The following UBR1 variants were observed in gnomAD, a reference collection of about 807,000 sequenced individuals.
UBR1 encodes the protein E3 ubiquitin-protein ligase UBR1.
In UBR1, 102 loss-of-function variants were observed where a neutral mutation model predicts 242.1. The observed-to-expected ratio is 0.42, with a 90% CI of 0.36 to 0.50. The LOEUF is 0.50. Ranked by LOEUF, UBR1 falls within the 20% of genes least tolerant of loss-of-function variation. The pLI, the probability that UBR1 is intolerant of heterozygous loss-of-function variation, is 0.01. For missense variants in UBR1, 1,772 were observed against 2,101.8 expected (o/e 0.84, Z 3.07); for synonymous variants, 675 against 684.8 (o/e 0.99, Z 0.22).
intron 29 of UBR1, among the ~76,000 whole-genome samples, chr15:43,009,373 C>G (rs944716636): frequency 2.0e-5 from 3 of 152,258 alleles, no homozygotes; most frequent in African/African-American, 7.2e-5. Flanking sequence ...TGCACAGCAG[C>G]TGGCGTGCCT....
At chr15:43,047,055 T>A (rs1218303420) in intron 14 of UBR1, 106 bp downstream of exon 14, 1 of 1,339,422 alleles carries the variant, frequency 7.5e-7, no homozygotes, top group Admixed American at 1.9e-5. Context: ...AAAGCTACTA[T>A]AAATAATAAA....
Position 43,024,960 on chromosome 15 carries a change from C to G in UBR1, c.2608G>C (p.Glu870Gln). The G allele has an allele frequency of 5.0e-6, 8 of 1,614,110 alleles. No homozygotes were observed. Among genetic ancestry groups the G allele is most frequent in the Non-Finnish European group, 6.8e-6 (8 of 1,180,018 alleles). Residue 870 changes from glutamate to glutamine, a missense_variant, in exon 25 of 47, where the codon GAA becomes CAA. Physicochemically the swap from Glu to Gln is conservative, Grantham distance 29. Around this residue, in one of 3 missense-constraint regions of UBR1, gnomAD observed 965 missense variants for 1,079.7 expected, o/e 0.89. Coordinates refer to ENST00000290650, the MANE Select transcript of UBR1 (RefSeq NM_174916.3). ...ACTTTGCTGAAAGCAGGGCAGAATT[C>G]AGGAGGTGGTGGTGGCGGCAATGCT... ...DEALPPPPPPEFCPAFSKVIN... is the reference protein window; with the variant it reads ...DEALPPPPPPQFCPAFSKVIN...
intron 29 of UBR1, among the ~76,000 whole-genome samples, chr15:43,007,789 A>C (rs2032856444): frequency 6.6e-6 from 1 of 152,224 alleles, no homozygotes; most frequent in Admixed American, 6.5e-5. Context: ...AGTATCTTAC[A>C]TCATTAAAAC....
chr15:43,043,385 A>G lies in UBR1; in HGVS notation c.1679T>C (p.Leu560Ser). 1.2e-6 allele frequency: 2 copies of G among 1,614,100 alleles called. No homozygotes were observed. The highest frequency in any genetic ancestry group is 1.7e-6 in the Non-Finnish European group (2 of 1,180,016). ...QEWCACDEEL[L>S]LVAYKECHKA... ...GTGACATTCTTTATAAGCCACAAGT[A>G]AGAGTTCTTCCTAAGAGGAAAATAA... is the stretch of plus-strand genomic sequence containing the variant. The change falls in exon 15 of 47, where the codon TTA (leucine) becomes TCA (serine). Residue 560 changes from leucine to serine, a missense_variant. This residue lies in a region of UBR1 where 734 missense variants were observed against 893.3 expected (regional missense o/e 0.82). Coordinates refer to ENST00000290650, the MANE Select transcript of UBR1 (RefSeq NM_174916.3).
intron 35 of UBR1, 144 bp downstream of exon 35, chr15:42,988,675 G>T: frequency 9.1e-7 from 1 of 1,101,464 alleles, no homozygotes; most frequent in African/African-American, 1.6e-5. Flanking sequence ...CAAATGGCAT[G>T]AGCCACACTA....
intron 19 of UBR1, among the ~76,000 whole-genome samples, chr15:43,033,226 T>C (rs2033280606): frequency 6.6e-6 from 1 of 152,170 alleles, no homozygotes; most frequent in Admixed American, 6.5e-5. Context: ...AGAAATTTTA[T>C]ATGAGGCCAG....
intron 44 of UBR1, among the ~76,000 whole-genome samples, chr15:42,953,194 T>C (rs982407769): frequency 6.6e-6 from 1 of 152,208 alleles, no homozygotes; most frequent in African/African-American, 2.4e-5. Flanking sequence ...CCATTTTACA[T>C]AGTATGCTGG....
intron 17 of UBR1, among the ~76,000 whole-genome samples, chr15:43,036,975 T>C (rs886367501): frequency 3.0e-4 from 45 of 151,870 alleles, no homozygotes; most frequent in African/African-American, 1.1e-3. Flanking sequence ...GCAAGACATG[T>C]AGGTTTGTTA....
intron 1 of UBR1, among the ~76,000 whole-genome samples, chr15:43,104,346 C>A (rs1288901724): frequency 6.6e-6 from 1 of 152,172 alleles, no homozygotes; most frequent in East Asian, 1.9e-4. Context: ...AAAACTATAA[C>A]AATTCTTCTG....
At chr15:43,088,937 G>A (rs1057267350) in intron 1 of UBR1, among the ~76,000 whole-genome samples, 69 of 151,856 alleles carry the variant, frequency 4.5e-4, no homozygotes, top group African/African-American at 1.5e-3. Context: ...CGAGGCGGGC[G>A]GATCACTTGA....
intron 19 of UBR1, 138 bp from the exon 20 acceptor site, chr15:43,032,769 AG>A: frequency 3.6e-6 from 2 of 561,276 alleles, no homozygotes; most frequent in Non-Finnish European, 6.4e-6. Context: ...ATGTGTGCAC[AG>A]CACAAATAGT....
In UBR1 at chr15:42,945,397, T is replaced by C; in HGVS notation, c.5182A>G (p.Ile1728Val). ...TCTTGGCTCCTAGCAATCTCTTCTA[T>C]AATGCAGTGTTGTTGCCAGACCAAA... ...LHLVWQQHCIIEEIARSQETN... is the reference protein window; with the variant it reads ...LHLVWQQHCIVEEIARSQETN... The change falls in exon 47 of 47, where the codon ATA becomes GTA. Residue 1728 changes from isoleucine (I) to valine (V), a missense_variant. Ile to Val is a conservative substitution (Grantham distance 29). Around this residue, in one of 3 missense-constraint regions of UBR1, gnomAD observed 965 missense variants for 1,079.7 expected, o/e 0.89. Coordinates refer to ENST00000290650, the MANE Select transcript of UBR1 (RefSeq NM_174916.3). 1 of 1,614,226 alleles carries C rather than the reference T, an allele frequency of 6.2e-7. No homozygotes were observed. Among genetic ancestry groups the C allele is most frequent in the Non-Finnish European group, 8.5e-7 (1 of 1,180,040 alleles).
Position 43,004,920 on chromosome 15 carries a change from G to A in UBR1, c.3416-990C>T, listed in dbSNP as rs552314563. Among the ~76,000 whole-genome samples, 725 of 149,820 alleles carry A rather than the reference G, an allele frequency of 4.8e-3. 2 individuals carry two copies. The highest frequency in any genetic ancestry group is 7.9e-3 in the Non-Finnish European group (533 of 67,542). On this transcript the variant is annotated intron_variant, in intron 30 of 46. Coordinates refer to ENST00000290650, the MANE Select transcript of UBR1 (RefSeq NM_174916.3). ...AGCACCTCTTCCCAGCCGCCATCCC[G>A]TCTAGGAAGTGAGGAGTGTCTCTGC... is the stretch of plus-strand genomic sequence containing the variant.
intron 39 of UBR1, among the ~76,000 whole-genome samples, chr15:42,976,076 C>T (rs1596082096): frequency 1.3e-5 from 2 of 152,162 alleles, no homozygotes; most frequent in Non-Finnish European, 2.9e-5. Context: ...ATCATCATTC[C>T]ATAATGTTGT....
rs562208882 is a variant in UBR1, at chr15:43,005,136, G to A, written c.3416-1206C>T. Among the ~76,000 whole-genome samples the A allele has an allele frequency of 2.4e-3, 359 of 151,098 alleles. 1 individual carries two copies. Among genetic ancestry groups the A allele is most frequent in the African/African-American group, 8.3e-3 (340 of 41,144 alleles). On this transcript the variant is annotated intron_variant, in intron 30 of 46. Coordinates refer to ENST00000290650, the MANE Select transcript of UBR1 (RefSeq NM_174916.3). ...CGTCTGAGAAGTGAGGAGCCCCTCC[G>A]CCCGGCAGCCACCCCATCTGGGAAG...
intron 1 of UBR1, among the ~76,000 whole-genome samples, chr15:43,087,859 T>G (rs1374291542): frequency 6.6e-6 from 1 of 152,120 alleles, no homozygotes; most frequent in Non-Finnish European, 1.5e-5. Flanking sequence ...AGGGCACAGA[T>G]CTATGTCCTG....
At chr15:42,995,259 AT>A (rs1024215703) in intron 33 of UBR1, among the ~76,000 whole-genome samples, 74 of 152,244 alleles carry the variant, frequency 4.9e-4, no homozygotes, top group African/African-American at 1.7e-3. Flanking sequence ...GTCATTCTAC[AT>A]TTTTTTAAAT....
intron 1 of UBR1, among the ~76,000 whole-genome samples, chr15:43,087,236 T>A (rs1034230987): frequency 1.3e-5 from 2 of 151,968 alleles, no homozygotes; most frequent in African/African-American, 4.8e-5. Context: ...AAACCCCGCC[T>A]CTACTAAAAA....
intron 29 of UBR1, among the ~76,000 whole-genome samples, chr15:43,007,820 T>C (rs962157464): frequency 6.6e-6 from 1 of 152,188 alleles, no homozygotes; most frequent in African/African-American, 2.4e-5. Flanking sequence ...ACATTTTAAA[T>C]GGTTGCACAG....
Sources: allele counts gnomAD v4.1 joint callset (sites outside exome capture counted in the v4.1 genomes callset), GRCh38; gene constraint gnomAD v4.1.1; regional missense constraint gnomAD v4.1.1; transcripts MANE v1.5; gene names NCBI Gene and HGNC (gene_info 2026-07-23, HGNC 2026-07-21).